The following FBLIM1 variants were observed in gnomAD, a reference collection of about 807,000 sequenced individuals.
FBLIM1 encodes the protein filamin-binding LIM protein 1.
Under a neutral mutation model 37.4 loss-of-function variants are expected in FBLIM1, and 29 were observed. The observed-to-expected ratio is 0.77, with a 90% CI of 0.58 to 1.06. FBLIM1 has a LOEUF of 1.06. Among genes scored for constraint, FBLIM1 ranks in the 50% least tolerant of loss-of-function variants. FBLIM1 has a pLI of 0.00. For synonymous variants in FBLIM1, 193 were observed against 199.0 expected (o/e 0.97, Z 0.25); for missense variants, 449 against 505.6 (o/e 0.89, Z 1.07).
intron 7 of FBLIM1, 39 bp downstream of exon 7, chr1:15,774,835 CAGGGCG>C (rs761536185): frequency 3.5e-5 from 56 of 1,613,794 alleles, no homozygotes; most frequent in Non-Finnish European, 4.7e-5. Flanking sequence ...GGTGCAGGGA[CAGGGCG>C]AGACCCAAGC....
At position 15,761,872 on chromosome 1, in the gene FBLIM1, G is replaced by A. The variant is rs370735011; in HGVS notation, c.-210-2624G>A. Among the ~76,000 whole-genome samples, 48 of 152,078 alleles carry A rather than the reference G, an allele frequency of 3.2e-4. 3 individuals are homozygous for A. Among genetic ancestry groups the A allele is most frequent in the Admixed American group, 3.0e-3 (45 of 15,252 alleles). The stretch of plus-strand genomic sequence containing the variant: ...AGATAAGGAGGGAAGCCTGAAGAGC[G>A]AGATAGAAAAGGGGACATTTTTAGC... On this transcript the variant is annotated intron_variant, in intron 1 of 8. Coordinates refer to ENST00000375766, the MANE Select transcript of FBLIM1 (RefSeq NM_017556.4).
chr1:15,777,450 T>C (rs918589894), intron 8 of FBLIM1, among the ~76,000 whole-genome samples, 163 bp downstream of exon 8: 3 of 152,102 alleles, frequency 2.0e-5, no homozygotes, highest in Admixed American at 1.3e-4. Context: ...CCATAGTCTA[T>C]TATCAACTCT....
Position 15,770,513 on chromosome 1 carries a change from C to G in FBLIM1, c.646C>G (p.Arg216Gly). Residue 216 changes from arginine to glycine, a missense_variant, in exon 6 of 9, where the codon CGC becomes GGC. By Grantham distance (125) the Arg-to-Gly change is moderately radical. Transcript: ENST00000375766. ...GTGCTTCACGTGCCGCACCTGCCGCCGCCAGCTGGCTGGGCAGAGCTTCTA... is the reference window on the plus strand; with the variant it reads ...GTGCTTCACGTGCCGCACCTGCCGCGGCCAGCTGGCTGGGCAGAGCTTCTA... ...AQCFTCRTCR[R>G]QLAGQSFYQK... 1 of 1,613,930 alleles carries G rather than the reference C, an allele frequency of 6.2e-7. No individual in the cohort carries two copies. Among genetic ancestry groups the G allele is most frequent in the Non-Finnish European group, 8.5e-7 (1 of 1,180,028 alleles).
intron 6 of FBLIM1, among the ~76,000 whole-genome samples, chr1:15,771,846 G>C (rs1352184156): frequency 1.3e-5 from 2 of 151,612 alleles, no homozygotes; most frequent in African/African-American, 4.8e-5. Flanking sequence ...GATGGCCAAG[G>C]AGCTGGGATT....
At chr1:15,774,165 A>C (rs1359595047) in intron 6 of FBLIM1, among the ~76,000 whole-genome samples, 1 of 152,154 alleles carries the variant, frequency 6.6e-6, no homozygotes, top group Non-Finnish European at 1.5e-5. Flanking sequence ...ACAACAAAAA[A>C]GCCCTATAAT....
rs2069756760 is a variant in FBLIM1, at chr1:15,785,862, T to C, written c.*1201T>C. ...AGGGTGGTCCGCAGACACCCCGGGATGTCAGCATCCCCCGACCTGCCTTCT... is the reference window on the plus strand; with the variant it reads ...AGGGTGGTCCGCAGACACCCCGGGACGTCAGCATCCCCCGACCTGCCTTCT... On this transcript the variant is annotated 3_prime_UTR_variant, in exon 9 of 9. Coordinates refer to ENST00000375766, the MANE Select transcript of FBLIM1 (RefSeq NM_017556.4). The C allele has an allele frequency of 6.6e-6, 1 of 152,246 alleles. No homozygotes were observed. Among genetic ancestry groups the C allele is most frequent in the African/African-American group, 2.4e-5 (1 of 41,440 alleles). 9.4% of individuals were successfully genotyped at this position (152,246 alleles called of 1,614,324 possible). A position where few individuals can be genotyped will look rare whatever the true frequency, so the allele number is the denominator to read the frequency against.
intron 6 of FBLIM1, among the ~76,000 whole-genome samples, chr1:15,773,725 TC>T (rs1298211121): frequency 1.3e-5 from 2 of 149,132 alleles, no homozygotes; most frequent in Admixed American, 1.3e-4. Flanking sequence ...TAAGTGTTCT[TC>T]CCACAATAAA....
At chr1:15,766,410 C>T (rs1000586084) in intron 3 of FBLIM1, among the ~76,000 whole-genome samples, 2 of 152,166 alleles carry the variant, frequency 1.3e-5, no homozygotes, top group African/African-American at 4.8e-5. Flanking sequence ...AGTTCTCCTG[C>T]CTCAGCCTCC....
chr1:15,774,593 G>C, intron 6 of FBLIM1, 25 bp from the exon 7 acceptor site: 1 of 1,598,174 alleles, frequency 6.3e-7, no homozygotes, highest in Non-Finnish European at 8.5e-7. Context: ...GTCGTGGATG[G>C]TTCTGGCAGT....
rs1214102933 is a variant in FBLIM1 at position 15,784,641 on chromosome 1, AGT to A, written c.1104_1105del (p.Ala369CysfsTer12). 4.3e-6 allele frequency: 7 copies of A among 1,613,994 alleles called. No individual in the cohort carries two copies. The highest frequency in any genetic ancestry group is 5.1e-6 in the Non-Finnish European group (6 of 1,179,968). ...CTGCAAGCCATGCCATGTGAAGCGG[AGT>A]GCTGCGGGGTGCTGCTGAGAGTGCC... ...LFCKPCHVKRSAAGCC is the reference protein window; with the variant it reads ...LFCKPCHVKRXAAGCC On this transcript the variant is annotated frameshift_variant, in exon 9 of 9. Transcript: ENST00000375766. LOFTEE classifies it high-confidence loss of function.
intron 5 of FBLIM1, among the ~76,000 whole-genome samples, chr1:15,769,827 G>T (rs1382200441): frequency 3.9e-5 from 6 of 151,948 alleles, no homozygotes; most frequent in Non-Finnish European, 8.8e-5. Flanking sequence ...GTAGAGACAG[G>T]GTTTCACCAT....
Position 15,765,888 on chromosome 1 carries a change from C to G in FBLIM1, c.250+655C>G, listed in dbSNP as rs534025694. ...TGGGCCCTGCACCGGGAGGCAGGCA[C>G]TGGGAGAGGCCACAGCACTCTTACT... On this transcript the variant is annotated intron_variant, in intron 3 of 8. Transcript: ENST00000375766. This position sits in a 1 kb window ranked among gnomAD's most constrained non-coding sequence, Gnocchi z 5.9. Among the ~76,000 whole-genome samples the G allele has an allele frequency of 6.6e-6, 1 of 152,208 alleles. No homozygotes were observed. The highest frequency in any genetic ancestry group is 2.4e-5 in the African/African-American group (1 of 41,456).
rs150153219 is a variant in FBLIM1 at position 15,765,847 on chromosome 1, C to T, written c.250+614C>T. 7.9e-5 allele frequency among the ~76,000 whole-genome samples: 12 copies of T among 152,176 alleles called. No individual in the cohort carries two copies. Among genetic ancestry groups the T allele is most frequent in the East Asian group, 1.9e-4 (1 of 5,184 alleles). ...CCTGCTTCTCTCTTGAATTCCTGCC[C>T]GCCCATCATAGCCTATGGGCCCTGC... On this transcript the variant is annotated intron_variant, in intron 3 of 8. Transcript: ENST00000375766. The surrounding 1 kb of genome is among the most constrained non-coding windows in gnomAD (Gnocchi z 5.9).
intron 1 of FBLIM1, among the ~76,000 whole-genome samples, chr1:15,764,053 C>T (rs1440080175): frequency 5.9e-5 from 9 of 152,218 alleles, no homozygotes; most frequent in Admixed American, 5.2e-4. Context: ...CCCCTGCCCA[C>T]TGCCCAGGCC....
rs1162101008 is a variant in FBLIM1, at chr1:15,765,200, G to A, written c.217G>A (p.Val73Met). The change falls in exon 3 of 9, where the codon GTG becomes ATG. Residue 73 changes from valine to methionine, a missense_variant. Coordinates refer to ENST00000375766, the MANE Select transcript of FBLIM1 (RefSeq NM_017556.4). This position sits in a 1 kb window ranked among gnomAD's most constrained non-coding sequence, Gnocchi z 5.9. ...WTTPGRAAATVPAAPMQLFNG... is the reference protein window; with the variant it reads ...WTTPGRAAATMPAAPMQLFNG... ...AACCCCTGGCAGAGCTGCAGCCACA[G>A]TGCCGGCTGCACCTATGCAGCTCTT... is the stretch of plus-strand genomic sequence containing the variant. 9.3e-6 allele frequency: 15 copies of A among 1,613,590 alleles called. No homozygotes were observed. Among genetic ancestry groups the A allele is most frequent in the Non-Finnish European group, 1.3e-5 (15 of 1,179,876 alleles).
chr1:15,775,613 A>G (rs1466637975), intron 7 of FBLIM1, among the ~76,000 whole-genome samples: 1 of 151,720 alleles, frequency 6.6e-6, no homozygotes, highest in African/African-American at 2.4e-5. Flanking sequence ...GGTCTAGGGG[A>G]AGGGGCAAGG....
chr1:15,784,189 A>C (rs1024006420), intron 8 of FBLIM1, among the ~76,000 whole-genome samples: 1 of 152,184 alleles, frequency 6.6e-6, no homozygotes, highest in Non-Finnish European at 1.5e-5. Flanking sequence ...AAAATAAATA[A>C]ATGATAAAAA....
chr1:15,757,527 A>G (rs2068471937), upstream of FBLIM1, among the ~76,000 whole-genome samples: 2 of 152,190 alleles, frequency 1.3e-5, no homozygotes, highest in Non-Finnish European at 1.5e-5. This position sits in a 1 kb window ranked among gnomAD's most constrained non-coding sequence, Gnocchi z 4.1. Flanking sequence ...AGGGGCGACA[A>G]GAGGGATGGG....
At chr1:15,780,392 G>T (rs558347977) in intron 8 of FBLIM1, among the ~76,000 whole-genome samples, 1 of 151,492 alleles carries the variant, frequency 6.6e-6, no homozygotes, top group Non-Finnish European at 1.5e-5. Flanking sequence ...TAGAGATGGG[G>T]TTTCGCCATG....
Sources: gnomAD v4.1 joint callset for allele counts (sites outside exome capture counted in the v4.1 genomes callset) on GRCh38, gnomAD v4.1.1 for gene constraint, Gnocchi (gnomAD v3.1) non-coding constraint, MANE v1.5 for transcripts, NCBI Gene and HGNC (gene_info 2026-07-23, HGNC 2026-07-21) for gene names.